Variants in ITGA9 observed in about 807,000 individuals in gnomAD.
ITGA9 encodes integrin alpha-9.
In ITGA9, 56 loss-of-function variants were observed where a neutral mutation model predicts 127.8. The observed-to-expected ratio is 0.44, with a 90% confidence interval of 0.35 to 0.55. The LOEUF is 0.55. Ranked by LOEUF, ITGA9 falls within the 20% of genes least tolerant of loss-of-function variation. ITGA9 has a pLI of 0.00. For synonymous variants in ITGA9, 508 were observed against 514.5 expected, an observed-to-expected ratio of 0.99 and a Z score of 0.17; for missense variants, 1,196 against 1,347.1, an observed-to-expected ratio of 0.89 and a Z score of 1.76.
intron 22 of ITGA9, 142 bp from the exon 23 acceptor site, chr3:37,750,320 A>C: frequency 1.5e-6 from 1 of 665,438 alleles, no homozygotes; most frequent in East Asian, 2.7e-5. Flanking sequence ...AGTTCACTTT[A>C]CTTCAAGTTG....
intron 23 of ITGA9, among the ~76,000 whole-genome samples, chr3:37,757,252 A>G (rs1278208275): frequency 6.6e-6 from 1 of 151,926 alleles, no homozygotes; most frequent in Admixed American, 6.5e-5. Context: ...GTCCAAAAAA[A>G]TAGACAAACC....
chr3:37,649,952 A>G (rs749218150), intron 16 of ITGA9, among the ~76,000 whole-genome samples: 14 of 152,224 alleles, frequency 9.2e-5, no homozygotes, highest in Non-Finnish European at 1.5e-4. Flanking sequence ...TGAATTTGCA[A>G]TTTGGCAGAG....
rs1696954883 is a variant in ITGA9, at chr3:37,779,924, C to T, written c.2690C>T (p.Ser897Phe). The stretch of plus-strand genomic sequence containing the variant: ...CAGGACTGTGAAAAACCAGGAATTT[C>T]TTGCCTAACAGCACACTGTAACTTT... ...KVLDCEKPGI[S>F]CLTAHCNFSA... The change falls in exon 25 of 28, where the codon TCT becomes TTT. Residue 897 changes from serine (S) to phenylalanine (F), a missense_variant. Physicochemically the swap from Ser to Phe is radical, Grantham distance 155. Transcript: ENST00000264741. 6.2e-7 allele frequency: 1 copy of T among 1,613,912 alleles called. No homozygotes were observed. Among genetic ancestry groups the T allele is most frequent in the Admixed American group, 1.7e-5 (1 of 60,000 alleles).
chr3:37,654,539 C>T (rs1700459305), intron 17 of ITGA9, among the ~76,000 whole-genome samples: 1 of 152,100 alleles, frequency 6.6e-6, no homozygotes, highest in Admixed American at 6.6e-5. Flanking sequence ...GCCAGAAACC[C>T]CTCTATTAGT....
At position 37,799,633 on chromosome 3, in the gene ITGA9, G is replaced by A. The variant is rs372379053; in HGVS notation, c.2890-4190G>A. Among the ~76,000 whole-genome samples, 2 of 152,330 alleles carry A rather than the reference G, an allele frequency of 1.3e-5. No individual in the cohort carries two copies. The highest frequency in any genetic ancestry group is 4.1e-4 in the South Asian group (2 of 4,822). On this transcript the variant is annotated intron_variant, in intron 26 of 27. Transcript: ENST00000264741. The surrounding 1 kb of genome is among the most constrained non-coding windows in gnomAD (Gnocchi z 4.0). ...AATTAGATGCTCAGCCTAAAGGAAA[G>A]TCATGGATACTGTAAACCGAGAAGT...
At chr3:37,759,619 G>A (rs1696699433) in intron 23 of ITGA9, among the ~76,000 whole-genome samples, 1 of 152,182 alleles carries the variant, frequency 6.6e-6, no homozygotes, top group Non-Finnish European at 1.5e-5. Context: ...AGTAAAACAT[G>A]GGCTGAGCAT....
chr3:37,531,758 T>C (rs1030455424), intron 13 of ITGA9, among the ~76,000 whole-genome samples: 4 of 152,196 alleles, frequency 2.6e-5, no homozygotes, highest in African/African-American at 9.7e-5. Context: ...CAAGGGTGTT[T>C]GCACATTTAT....
At chr3:37,715,347 G>A (rs1199392972) in intron 18 of ITGA9, among the ~76,000 whole-genome samples, 1 of 152,070 alleles carries the variant, frequency 6.6e-6, no homozygotes, top group Non-Finnish European at 1.5e-5. Context: ...GGTACTTAAG[G>A]CACCACTTGA....
At chr3:37,716,649 A>G (rs1271479396) in intron 18 of ITGA9, among the ~76,000 whole-genome samples, 1 of 149,714 alleles carries the variant, frequency 6.7e-6, no homozygotes, top group Non-Finnish European at 1.5e-5. Context: ...ATGGCCCTGC[A>G]GCTCATCCTT....
intron 15 of ITGA9, among the ~76,000 whole-genome samples, chr3:37,622,976 G>A (rs1008257412): frequency 2.0e-5 from 3 of 152,034 alleles, no homozygotes; most frequent in Admixed American, 1.3e-4. Context: ...ACTGTGTCCT[G>A]TATGTCTGTT....
At chr3:37,583,424 A>G (rs1471824942) in intron 15 of ITGA9, among the ~76,000 whole-genome samples, 2 of 125,176 alleles carry the variant, frequency 1.6e-5, no homozygotes, top group African/African-American at 6.0e-5. Flanking sequence ...CATCATCATC[A>G]GCATGTTTAA....
At chr3:37,490,351 A>G (rs1698657130) in intron 4 of ITGA9, among the ~76,000 whole-genome samples, 1 of 152,238 alleles carries the variant, frequency 6.6e-6, no homozygotes, top group South Asian at 2.1e-4. Context: ...TTCTTTGAAG[A>G]GAAACTTGGA....
At chr3:37,487,550 A>G (rs1336450867) in intron 4 of ITGA9, among the ~76,000 whole-genome samples, 1 of 152,176 alleles carries the variant, frequency 6.6e-6, no homozygotes, top group African/African-American at 2.4e-5. Flanking sequence ...GATTCACCTA[A>G]TATTTATTGA....
chr3:37,709,756 C>T lies in ITGA9; in HGVS notation c.2068-22956C>T, dbSNP rs112147059. On this transcript the variant is annotated intron_variant, in intron 18 of 27. Transcript: ENST00000264741. ...CACGCTTTGTCTTTAATTTGAGAAG[C>T]TTATGTGGAAGGAAACAGCACATTC... Among the ~76,000 whole-genome samples, 556 of 152,306 alleles carry T rather than the reference C, an allele frequency of 3.7e-3. 5 individuals are homozygous for T. The highest frequency in any genetic ancestry group is 0.013 in the African/African-American group (527 of 41,570).
chr3:37,637,981 G>A (rs977138739), intron 16 of ITGA9, among the ~76,000 whole-genome samples: 9 of 152,254 alleles, frequency 5.9e-5, no homozygotes, highest in Admixed American at 2.6e-4. Flanking sequence ...CCAGCAATCC[G>A]TGTTTTAACA....
intron 18 of ITGA9, among the ~76,000 whole-genome samples, chr3:37,700,684 T>G (rs2125672570): frequency 6.6e-6 from 1 of 152,344 alleles, no homozygotes; most frequent in Admixed American, 6.5e-5. Flanking sequence ...TCATACCTAG[T>G]AACTGCAGCA....
chr3:37,549,451 G>A lies in ITGA9; in HGVS notation c.1689+6866G>A, dbSNP rs1180001566. 8.5e-5 allele frequency among the ~76,000 whole-genome samples: 13 copies of A among 152,202 alleles called. 1 individual carries two copies. Among genetic ancestry groups the A allele is most frequent in the African/African-American group, 3.1e-4 (13 of 41,442 alleles). ...TGGTTATCGTAAGCTTATTTGTACA[G>A]TATGTGAGATGCAGTTTGTAGCAAT... On this transcript the variant is annotated intron_variant, in intron 15 of 27. Coordinates refer to ENST00000264741, the MANE Select transcript of ITGA9 (RefSeq NM_002207.3).
intron 18 of ITGA9, among the ~76,000 whole-genome samples, chr3:37,723,728 C>T (rs560412375): frequency 3.9e-5 from 6 of 152,282 alleles, no homozygotes; most frequent in Non-Finnish European, 5.9e-5. Context: ...GCATGTGCTG[C>T]GACGGCAGCG....
rs542671949 is a variant in ITGA9, at chr3:37,644,899, C to G, written c.1840-8815C>G. On this transcript the variant is annotated intron_variant, in intron 16 of 27. Transcript: ENST00000264741. ...TGTTTTAGAAAGCAACAGTGTATGC[C>G]TTGATTTTAAGAGGCAATGAGCCTT... Among the ~76,000 whole-genome samples the G allele has an allele frequency of 4.6e-5, 7 of 152,246 alleles. No individual in the cohort carries two copies. In the South Asian group the frequency reaches 1.0e-3, roughly 23 times the overall value.
Sources: allele counts gnomAD v4.1 joint callset (sites outside exome capture counted in the v4.1 genomes callset), GRCh38; gene constraint gnomAD v4.1.1; non-coding constraint Gnocchi (gnomAD v3.1); transcripts MANE v1.5; gene names NCBI Gene and HGNC (gene_info 2026-07-23, HGNC 2026-07-21).